Variants in UNKL observed in about 807,000 individuals in gnomAD.
UNKL encodes unk like zinc finger.
Under a neutral mutation model 78.0 loss-of-function variants are expected in UNKL, and 60 were observed. The observed-to-expected ratio is 0.77, with a 90% CI of 0.63 to 0.95. The LOEUF is 0.95. UNKL is among the 40% of genes least tolerant of loss of function. The pLI is 0.00. For synonymous variants in UNKL, 608 were observed against 474.8 expected (o/e 1.28, Z -3.65); for missense variants, 1,159 against 1,045.7 (o/e 1.11, Z -1.49).
At chr16:1,371,728 G>C (rs554117616) in intron 10 of UNKL, 117 bp from the exon 11 acceptor site, 1 of 1,084,600 alleles carries the variant, frequency 9.2e-7, no homozygotes, top group Admixed American at 2.5e-5. Flanking sequence ...GGCAGAAGGC[G>C]TGGGAGTTGC....
intron 3 of UNKL, among the ~76,000 whole-genome samples, chr16:1,402,951 C>T (rs891275990): frequency 2.6e-5 from 4 of 152,114 alleles, no homozygotes; most frequent in African/African-American, 7.2e-5. Context: ...GAGATCGCGC[C>T]GCTGCACTCC....
chr16:1,413,797 AG>A (rs2038157025), intron 2 of UNKL, 48 bp downstream of exon 2: 3 of 1,471,464 alleles, frequency 2.0e-6, no homozygotes, highest in African/African-American at 2.8e-5. Context: ...CCCCGGGTGG[AG>A]GCCCCCCACC....
At chr16:1,375,659 G>A (rs1197747454) in intron 10 of UNKL, among the ~76,000 whole-genome samples, 3 of 152,194 alleles carry the variant, frequency 2.0e-5, no homozygotes, top group Non-Finnish European at 2.9e-5. Flanking sequence ...TAGAGTAACA[G>A]GTTGGGGGTC....
chr16:1,369,044 C>T (rs982362707), intron 12 of UNKL, among the ~76,000 whole-genome samples: 3 of 147,726 alleles, frequency 2.0e-5, no homozygotes, highest in Non-Finnish European at 4.5e-5. Flanking sequence ...CTATGTTGGC[C>T]CAAAGTATTA....
chr16:1,403,586 C>A lies in UNKL; in HGVS notation c.288-242G>T, dbSNP rs2037626038. Among the ~76,000 whole-genome samples the A allele has an allele frequency of 6.6e-6, 1 of 152,140 alleles. No homozygotes were observed. The highest frequency in any genetic ancestry group is 2.4e-5 in the African/African-American group (1 of 41,412). ...AACCAGTCAAACACAGTAAGAAACA[C>A]AGACCATCGCAAACCCCCAGTCAGC... On this transcript the variant is annotated intron_variant, in intron 2 of 14. Transcript: ENST00000389221. The surrounding 1 kb of genome is among the most constrained non-coding windows in gnomAD (Gnocchi z 4.8).
In UNKL at chr16:1,371,491, C is replaced by T. The variant is rs571730483; in HGVS notation, c.1357+28G>A. 369 of 1,533,644 alleles carry T rather than the reference C, an allele frequency of 2.4e-4. 3 individuals carry two copies. The African/African-American group carries it at 4.5e-3, about 19-fold the overall frequency. ...CTTGGCTGTTCAGCGGCTGGAGGAGCAGGGCCCCAGGTCCTCCCCACCCTC... is the reference window on the plus strand; with the variant it reads ...CTTGGCTGTTCAGCGGCTGGAGGAGTAGGGCCCCAGGTCCTCCCCACCCTC... On this transcript the variant is annotated intron_variant, in intron 11 of 14. Coordinates refer to ENST00000389221, the MANE Select transcript of UNKL (RefSeq NM_001372107.1).
chr16:1,384,760 G>A (rs150327330), intron 10 of UNKL, among the ~76,000 whole-genome samples: 223 of 152,264 alleles, frequency 1.5e-3, no homozygotes, highest in African/African-American at 5.1e-3. Context: ...CACCATGCTT[G>A]GCTAATTATT....
intron 10 of UNKL, among the ~76,000 whole-genome samples, chr16:1,382,120 A>C (rs2036626533): frequency 1.3e-5 from 2 of 152,206 alleles, no homozygotes; most frequent in Admixed American, 6.5e-5. Context: ...CTAGTTTCAA[A>C]CTGAAAACAC....
chr16:1,364,565 G>C lies in UNKL; in HGVS notation c.*1675C>G, dbSNP rs1226883684. ...TCCCAGCCCTGAGCAGAAGGGTCAG[G>C]TCATCGCGGGGATGCGTTCTCAGTC... On this transcript the variant is annotated 3_prime_UTR_variant, in exon 15 of 15. Coordinates refer to ENST00000389221, the MANE Select transcript of UNKL (RefSeq NM_001372107.1). 1 of 152,278 alleles carries C rather than the reference G, an allele frequency of 6.6e-6. No individual in the cohort carries two copies. The highest frequency in any genetic ancestry group is 1.5e-5 in the Non-Finnish European group (1 of 68,074). 9.4% of individuals were successfully genotyped at this position (152,278 alleles called of 1,614,324 possible).
chr16:1,370,602 G>A (rs975525920), intron 11 of UNKL, among the ~76,000 whole-genome samples: 1 of 152,166 alleles, frequency 6.6e-6, no homozygotes, highest in African/African-American at 2.4e-5. Flanking sequence ...GAGGTGGGGA[G>A]ACGGGGGTTT....
In UNKL at chr16:1,399,169, T is replaced by G. The variant is rs2037404241; in HGVS notation, c.734+205A>C. ...CTGCATGGGAGACACTGAGCGTAGG[T>G]GGGGAGGCCCATCCCCAGGACAGAC... On this transcript the variant is annotated intron_variant, in intron 5 of 14. Transcript: ENST00000389221. The surrounding 1 kb of genome is among the most constrained non-coding windows in gnomAD (Gnocchi z 5.8). 5 of 1,113,398 alleles carry G rather than the reference T, an allele frequency of 4.5e-6. No homozygotes were observed. The highest frequency in any genetic ancestry group is 6.2e-6 in the Non-Finnish European group (5 of 810,556). 69.0% of individuals were successfully genotyped at this position (1,113,398 alleles called of 1,614,324 possible).
chr16:1,384,249 C>T lies in UNKL; in HGVS notation c.1264+959G>A, dbSNP rs2036723165. On this transcript the variant is annotated intron_variant, in intron 10 of 14. Transcript: ENST00000389221. Reference sequence around the variant, plus strand: ...GTGGGTGTCCCCCACCACCCCAACACGGCAGGTGTCCCCACCACCCCAACA... The same window carrying T: ...GTGGGTGTCCCCCACCACCCCAACATGGCAGGTGTCCCCACCACCCCAACA... Among the ~76,000 whole-genome samples the T allele has an allele frequency of 3.3e-5, 5 of 150,674 alleles. No homozygotes were observed. The South Asian group carries it at 1.1e-3, about 32-fold the overall frequency.
In UNKL at chr16:1,371,605, G is replaced by A. The variant is rs201635710; in HGVS notation, c.1271C>T (p.Ala424Val). Residue 424 changes from alanine to valine, a missense_variant, in exon 11 of 15, where the codon GCG becomes GTG. Transcript: ENST00000389221. ...CACATTGCTAAGATGCAGGTCTAACGCAGAACCTGTCAACAGAGCCCCCCA... is the reference window on the plus strand; with the variant it reads ...CACATTGCTAAGATGCAGGTCTAACACAGAACCTGTCAACAGAGCCCCCCA... ...SSTVEAVLGS[A>V]LDLHLSNVNI... The A allele has an allele frequency of 4.2e-4, 645 of 1,535,986 alleles. No individual in the cohort carries two copies. Among genetic ancestry groups the A allele is most frequent in the African/African-American group, 7.7e-4 (56 of 73,046 alleles).
chr16:1,398,322 T>G, intron 5 of UNKL: 1 of 1,003,788 alleles, frequency 1.0e-6, no homozygotes, highest in Non-Finnish European at 1.2e-6. Flanking sequence ...TCTAGCTGCT[T>G]TATTGTAACT....
At position 1,363,274 on chromosome 16, in the gene UNKL, T is replaced by A. The variant is rs1336180657; in HGVS notation, c.*2966A>T. 4.6e-6 allele frequency: 3 copies of A among 646,218 alleles called. No homozygotes were observed. In the Admixed American group the frequency reaches 7.3e-5, roughly 16 times the overall value. 40.0% of individuals were successfully genotyped at this position (646,218 alleles called of 1,614,324 possible). ...TCCATGAATTCTGTAAACCATTGCA[T>A]AAATGCTATAGTGTAAAAAAATTTA... On this transcript the variant is annotated 3_prime_UTR_variant, in exon 15 of 15. Coordinates refer to ENST00000389221, the MANE Select transcript of UNKL (RefSeq NM_001372107.1).
intron 6 of UNKL, chr16:1,394,591 C>A (rs1373254221): frequency 4.5e-6 from 2 of 447,712 alleles, no homozygotes; most frequent in African/African-American, 4.0e-5. Flanking sequence ...ATCAGACCCA[C>A]TGACCCTTCA....
intron 13 of UNKL, 82 bp downstream of exon 13, chr16:1,367,574 T>TCCCATCTCACCCCC: frequency 9.3e-6 from 2 of 214,878 alleles, no homozygotes; most frequent in Non-Finnish European, 1.7e-5. Context: ...CTCCCTCCCC[T>TCCCATCTCACCCCC]CCCATCTCAC....
Position 1,394,172 on chromosome 16 carries a change from T to G in UNKL, c.896A>C (p.Tyr299Ser), listed in dbSNP as rs1205955826. The G allele has an allele frequency of 6.4e-7, 1 of 1,550,752 alleles. No individual in the cohort carries two copies. The highest frequency in any genetic ancestry group is 2.4e-5 in the East Asian group (1 of 40,918). Residue 299 changes from tyrosine (Y) to serine (S), a missense_variant, in exon 7 of 15, where the codon TAC (tyrosine) becomes TCC (serine). Tyr to Ser is a moderately radical substitution (Grantham distance 144). Transcript: ENST00000389221. ...TKCNDMRQTG[Y>S]CPRGPFCAFA... ...GGCACAGAAGGGGCCGCGCGGGCAG[T>G]ACCCGGTTTGGCGCATGTCGTTGCA...
chr16:1,409,172 A>G (rs992300090), intron 2 of UNKL, among the ~76,000 whole-genome samples: 2 of 152,214 alleles, frequency 1.3e-5, no homozygotes, highest in Non-Finnish European at 2.9e-5. Flanking sequence ...TCGGCCTCCC[A>G]AAGTGCTGGG....
Sources: allele counts gnomAD v4.1 joint callset (sites outside exome capture counted in the v4.1 genomes callset), GRCh38; gene constraint gnomAD v4.1.1; non-coding constraint Gnocchi (gnomAD v3.1); transcripts MANE v1.5; gene names NCBI Gene and HGNC (gene_info 2026-07-23, HGNC 2026-07-21).